DGKB: variants seen among roughly 807,000 people sequenced by gnomAD.
DGKB encodes the protein diacylglycerol kinase beta.
In DGKB, 67 loss-of-function variants were observed where a neutral mutation model predicts 114.3. That is an observed-to-expected ratio of 0.59 (90% confidence interval 0.48 to 0.72). The LOEUF (loss-of-function observed/expected upper bound fraction) is 0.72. Among genes scored for constraint, DGKB ranks in the 30% least tolerant of loss-of-function variants. The pLI is 0.00. For synonymous variants in DGKB, 398 were observed against 323.1 expected, an observed-to-expected ratio of 1.23 and a Z score of -2.49; for missense variants, 907 against 975.2, an observed-to-expected ratio of 0.93 and a Z score of 0.93.
intron 23 of DGKB, among the ~76,000 whole-genome samples, chr7:14,274,322 C>T (rs545155723): frequency 5.3e-5 from 8 of 152,240 alleles, no homozygotes; most frequent in Admixed American, 1.3e-4. Flanking sequence ...CTCTCGGCAA[C>T]GACTAATCCT....
intron 21 of DGKB, among the ~76,000 whole-genome samples, chr7:14,469,382 T>C (rs1780941490): frequency 6.6e-6 from 1 of 152,060 alleles, no homozygotes; most frequent in South Asian, 2.1e-4. Context: ...TTAATATTTT[T>C]TGTTACTTCA....
chr7:14,882,860 T>C (rs768531884), intron 1 of DGKB, among the ~76,000 whole-genome samples: 4 of 152,038 alleles, frequency 2.6e-5, no homozygotes, highest in Non-Finnish European at 4.4e-5. Context: ...CTATCTTATC[T>C]GCTTATTTAT....
At chr7:14,780,125 T>G (rs2128486734) in intron 2 of DGKB, among the ~76,000 whole-genome samples, 1 of 152,318 alleles carries the variant, frequency 6.6e-6, no homozygotes, top group Non-Finnish European at 1.5e-5. Context: ...TTCTGCATGC[T>G]TTCTCTGCCC....
intron 1 of DGKB, among the ~76,000 whole-genome samples, chr7:14,910,282 G>C (rs1335136984): frequency 1.6e-5 from 2 of 125,502 alleles, no homozygotes. Context: ...AAGAAAGAAA[G>C]AAAGAAAGAA....
chr7:14,878,654 C>T (rs1048030605), intron 1 of DGKB, among the ~76,000 whole-genome samples: 2 of 149,274 alleles, frequency 1.3e-5, no homozygotes, highest in African/African-American at 4.9e-5. Flanking sequence ...GAGGCTGAGG[C>T]AGGAGAATGG....
chr7:14,936,331 A>T (rs149424198), intron 1 of DGKB, among the ~76,000 whole-genome samples: 105 of 152,290 alleles, frequency 6.9e-4, no homozygotes, highest in African/African-American at 2.4e-3. Context: ...AAGGAGGCTA[A>T]AATTGAGCAT....
chr7:14,413,436 G>A (rs891808), intron 21 of DGKB, among the ~76,000 whole-genome samples: 114,425 of 152,010 alleles, frequency 0.75, 43,652 homozygotes, highest in Middle Eastern at 0.83. Context: ...ATATTCAAGA[G>A]GAGATGCCAA....
intron 21 of DGKB, among the ~76,000 whole-genome samples, chr7:14,461,954 T>C (rs186207678): frequency 2.1e-3 from 316 of 152,230 alleles, no homozygotes; most frequent in African/African-American, 7.0e-3. Context: ...GTTCAACATA[T>C]GCAAATCAGT....
rs114947432 is a variant in DGKB, at chr7:14,679,449, T to G, written c.1035+3104A>C. ...CAACTAGTAAGTGAGGAGACGATCT[T>G]AAGAATCTGGTTGGTCTGAGTTGCA... On this transcript the variant is annotated intron_variant, in intron 12 of 25. Coordinates refer to ENST00000402815, the MANE Select transcript of DGKB (RefSeq NM_001350709.2). 7.3e-3 allele frequency among the ~76,000 whole-genome samples: 1,116 copies of G among 152,134 alleles called. 13 individuals are homozygous for G. Among genetic ancestry groups the G allele is most frequent in the African/African-American group, 0.025 (1,059 of 41,534 alleles).
In DGKB at chr7:14,701,689, C is replaced by A; in HGVS notation, c.508G>T (p.Asp170Tyr). The A allele has an allele frequency of 1.9e-6, 3 of 1,610,996 alleles. No individual in the cohort carries two copies. The highest frequency in any genetic ancestry group is 2.5e-6 in the Non-Finnish European group (3 of 1,177,448). The change falls in exon 7 of 26, where the codon GAC (aspartate) becomes TAC (tyrosine). Residue 170 changes from aspartate (D) to tyrosine (Y), a missense_variant. By Grantham distance (160) the Asp-to-Tyr change is radical (BLOSUM62 -3). Around this residue, in one of 3 missense-constraint regions of DGKB, gnomAD observed 814 missense variants for 856.6 expected, o/e 0.95. Coordinates refer to ENST00000402815, the MANE Select transcript of DGKB (RefSeq NM_001350709.2). ...LYDTDGNGFL[D>Y]SSELENIISQ... Reference sequence around the variant, plus strand: ...TTGAAGAAAAAAATTACCGAGCTGTCCAGGAAGCCATTCCCATCCGTGTCA... The same window carrying A: ...TTGAAGAAAAAAATTACCGAGCTGTACAGGAAGCCATTCCCATCCGTGTCA...
chr7:14,684,405 A>G (rs1201736413), intron 10 of DGKB, among the ~76,000 whole-genome samples: 1 of 152,156 alleles, frequency 6.6e-6, no homozygotes, highest in Non-Finnish European at 1.5e-5. Context: ...GTACAAGCTG[A>G]AAAGGTTGGG....
intron 8 of DGKB, among the ~76,000 whole-genome samples, 195 bp downstream of exon 8, chr7:14,697,896 GAGAA>G (rs147346918): frequency 0.072 from 10,536 of 146,840 alleles, 659 homozygotes; most frequent in African/African-American, 0.17. Context: ...GAGAAAGAAA[GAGAA>G]AGAGAGAAGG....
At chr7:14,529,506 T>C (rs1340147258) in intron 20 of DGKB, among the ~76,000 whole-genome samples, 1 of 151,822 alleles carries the variant, frequency 6.6e-6, no homozygotes, top group Non-Finnish European at 1.5e-5. Context: ...TATAATAATA[T>C]TTTGTACATA....
intron 13 of DGKB, among the ~76,000 whole-genome samples, chr7:14,636,572 T>C (rs1323049306): frequency 6.6e-6 from 1 of 151,788 alleles, no homozygotes; most frequent in Non-Finnish European, 1.5e-5. Flanking sequence ...CATACATCGG[T>C]GTGTGTCATC....
intron 20 of DGKB, among the ~76,000 whole-genome samples, chr7:14,479,004 C>T (rs1238517845): frequency 6.6e-6 from 1 of 152,038 alleles, no homozygotes; most frequent in East Asian, 1.9e-4. Flanking sequence ...GCTTTTCAAG[C>T]ACGGACTGCT....
At chr7:14,762,258 T>C (rs1835811009) in intron 2 of DGKB, among the ~76,000 whole-genome samples, 1 of 152,014 alleles carries the variant, frequency 6.6e-6, no homozygotes, top group African/African-American at 2.4e-5. Flanking sequence ...TATGGGGAGA[T>C]GAGTTGACTT....
chr7:14,718,964 A>G, intron 5 of DGKB: 1 of 243,672 alleles, frequency 4.1e-6, no homozygotes, highest in Middle Eastern at 1.2e-3. Context: ...GTTGGTACAC[A>G]TTTGAATGCT....
intron 1 of DGKB, among the ~76,000 whole-genome samples, chr7:14,846,455 C>G (rs1438581585): frequency 6.6e-6 from 1 of 152,156 alleles, no homozygotes; most frequent in Non-Finnish European, 1.5e-5. Context: ...AAATGTTTCA[C>G]GTGTAATTTC....
At chr7:14,743,839 T>A (rs914278413) in intron 4 of DGKB, among the ~76,000 whole-genome samples, 4 of 152,166 alleles carry the variant, frequency 2.6e-5, no homozygotes, top group Admixed American at 1.3e-4. Context: ...TGTCTTCTTT[T>A]GATCCCCTTC....
Sources: allele counts gnomAD v4.1 joint callset (sites outside exome capture counted in the v4.1 genomes callset), GRCh38; gene constraint gnomAD v4.1.1; regional missense constraint gnomAD v4.1.1; transcripts MANE v1.5; gene names NCBI Gene and HGNC (gene_info 2026-07-23, HGNC 2026-07-21).